ZFPM2: variants seen among roughly 807,000 people sequenced by gnomAD.
The protein encoded by ZFPM2 is zinc finger protein ZFPM2.
A neutral mutation model predicts 98.6 loss-of-function variants in ZFPM2; 20 were observed. The ratio of observed to expected loss-of-function variants is 0.20; its 90% CI spans 0.14 to 0.29. The LOEUF is 0.29. Ranked by LOEUF, ZFPM2 falls within the 10% of genes least tolerant of loss-of-function variation. The pLI is 1.00. For synonymous variants in ZFPM2, 518 were observed against 502.7 expected (o/e 1.03, Z -0.41); for missense variants, 1,310 against 1,388.6 (o/e 0.94, Z 0.90).
At chr8:105,763,464 C>T (rs1005054299) in intron 5 of ZFPM2, among the ~76,000 whole-genome samples, 16 of 151,756 alleles carry the variant, frequency 1.1e-4, no homozygotes, top group African/African-American at 3.9e-4. Flanking sequence ...TTACAATCTG[C>T]CCTAGTTAAA....
intron 5 of ZFPM2, among the ~76,000 whole-genome samples, chr8:105,680,123 G>A (rs1245935983): frequency 2.6e-5 from 4 of 152,178 alleles, no homozygotes; most frequent in East Asian, 1.9e-4. Context: ...TATTTGTCAA[G>A]AAGCTACTTG....
intron 1 of ZFPM2, among the ~76,000 whole-genome samples, chr8:105,355,440 T>C (rs536375599): frequency 6.6e-6 from 1 of 152,186 alleles, no homozygotes; most frequent in Non-Finnish European, 1.5e-5. Flanking sequence ...TTCTTTTAAA[T>C]TCTAGAAAAT....
chr8:105,549,958 A>T (rs553061314), intron 3 of ZFPM2, among the ~76,000 whole-genome samples: 7 of 151,766 alleles, frequency 4.6e-5, no homozygotes, highest in Non-Finnish European at 1.0e-4. Flanking sequence ...TATGTCATTT[A>T]GTGCTTATTC....
At chr8:105,735,312 G>T (rs1238750530) in intron 5 of ZFPM2, among the ~76,000 whole-genome samples, 1 of 151,250 alleles carries the variant, frequency 6.6e-6, no homozygotes, top group Non-Finnish European at 1.5e-5. Flanking sequence ...TGCTTTTAAG[G>T]ACCTAATTCT....
chr8:105,424,211 T>C (rs1384481109), intron 2 of ZFPM2, among the ~76,000 whole-genome samples: 4 of 152,186 alleles, frequency 2.6e-5, no homozygotes, highest in Non-Finnish European at 5.9e-5. Context: ...TTATCTACAA[T>C]GATTATCTAG....
chr8:105,379,550 T>C (rs922597406), intron 1 of ZFPM2, among the ~76,000 whole-genome samples: 7 of 152,066 alleles, frequency 4.6e-5, no homozygotes, highest in African/African-American at 1.7e-4. Context: ...GGTCTGGAGT[T>C]TGAGACCAGA....
chr8:105,762,657 T>A (rs1270205994), intron 5 of ZFPM2, among the ~76,000 whole-genome samples: 1 of 151,906 alleles, frequency 6.6e-6, no homozygotes, highest in African/African-American at 2.4e-5. Flanking sequence ...TGCACATTTA[T>A]AGTTTTTATT....
rs144659766 is a variant in ZFPM2, at chr8:105,751,401, G to C, written c.533-37317G>C. Among the ~76,000 whole-genome samples the C allele has an allele frequency of 7.0e-3, 1,070 of 152,196 alleles. 8 individuals are homozygous for C. Among genetic ancestry groups the C allele is most frequent in the Non-Finnish European group, 0.012 (840 of 67,988 alleles). The stretch of plus-strand genomic sequence containing the variant: ...AACTTGAAGTCAGATTGTAACGAAT[G>C]TTTGTTACCGCATTAAACAATAACA... On this transcript the variant is annotated intron_variant, in intron 5 of 7. Coordinates refer to ENST00000407775, the MANE Select transcript of ZFPM2 (RefSeq NM_012082.4).
chr8:105,394,239 G>A (rs1394690622), intron 1 of ZFPM2, among the ~76,000 whole-genome samples: 3 of 152,128 alleles, frequency 2.0e-5, no homozygotes, highest in Non-Finnish European at 2.9e-5. Context: ...AGATGCTCCT[G>A]CAAGTGGGGA....
At chr8:105,713,882 G>C (rs906367041) in intron 5 of ZFPM2, among the ~76,000 whole-genome samples, 3 of 151,826 alleles carry the variant, frequency 2.0e-5, no homozygotes, top group African/African-American at 7.3e-5. Flanking sequence ...GTTTGAAGTT[G>C]GGTAATATGA....
chr8:105,574,453 A>G (rs1227041986), intron 4 of ZFPM2, among the ~76,000 whole-genome samples: 1 of 152,170 alleles, frequency 6.6e-6, no homozygotes, highest in East Asian at 1.9e-4. Context: ...GGGATTTCAG[A>G]CAATTGGAAA....
At chr8:105,542,878 T>C (rs1446556972) in intron 3 of ZFPM2, among the ~76,000 whole-genome samples, 1 of 152,148 alleles carries the variant, frequency 6.6e-6, no homozygotes. Flanking sequence ...CTTATTCTAA[T>C]TTTTTTCAGT....
intron 1 of ZFPM2, among the ~76,000 whole-genome samples, chr8:105,322,546 T>C (rs545069231): frequency 1.3e-5 from 2 of 151,936 alleles, no homozygotes; most frequent in Non-Finnish European, 2.9e-5. Flanking sequence ...TTTATTTTTG[T>C]ATAAGATTAG....
intron 3 of ZFPM2, among the ~76,000 whole-genome samples, chr8:105,535,895 C>G (rs1158781254): frequency 6.6e-6 from 1 of 152,106 alleles, no homozygotes; most frequent in African/African-American, 2.4e-5. Context: ...GGAATTTGAT[C>G]TTACTTTTCA....
chr8:105,575,168 T>C (rs1205966924), intron 4 of ZFPM2, among the ~76,000 whole-genome samples: 1 of 151,596 alleles, frequency 6.6e-6, no homozygotes, highest in Non-Finnish European at 1.5e-5. Context: ...GGAGGAAGAG[T>C]GCGTGATGAA....
At chr8:105,493,011 G>A (rs983595457) in intron 3 of ZFPM2, among the ~76,000 whole-genome samples, 1 of 152,140 alleles carries the variant, frequency 6.6e-6, no homozygotes, top group African/African-American at 2.4e-5. Context: ...TAGACTCTAA[G>A]TTGACTTGAG....
At chr8:105,524,496 C>CT (rs1814130721) in intron 3 of ZFPM2, among the ~76,000 whole-genome samples, 1 of 151,762 alleles carries the variant, frequency 6.6e-6, no homozygotes, top group African/African-American at 2.4e-5. Context: ...TTCTCTCTCT[C>CT]TCTCTCACAC....
chr8:105,577,738 C>T (rs531821127), intron 4 of ZFPM2, among the ~76,000 whole-genome samples: 89 of 150,170 alleles, frequency 5.9e-4, no homozygotes, highest in African/African-American at 2.1e-3. Flanking sequence ...TATAAAAAGA[C>T]CCAATTTAAT....
chr8:105,739,336 T>G (rs2131030061), intron 5 of ZFPM2, among the ~76,000 whole-genome samples: 1 of 152,136 alleles, frequency 6.6e-6, no homozygotes, highest in African/African-American at 2.4e-5. Context: ...ACGAGTAAAT[T>G]AAGTGTAGTT....
Sources: allele counts gnomAD v4.1 joint callset (sites outside exome capture counted in the v4.1 genomes callset), GRCh38; gene constraint gnomAD v4.1.1; transcripts MANE v1.5; gene names NCBI Gene and HGNC (gene_info 2026-07-23, HGNC 2026-07-21).